The following PPP1R9A variants were observed in gnomAD, a reference collection of about 807,000 sequenced individuals.
PPP1R9A encodes neurabin-1.
Under a neutral mutation model 141.9 loss-of-function variants are expected in PPP1R9A, and 59 were observed. The observed-to-expected ratio is 0.42, with a 90% confidence interval of 0.34 to 0.52. The LOEUF is 0.52. Among genes scored for constraint, PPP1R9A ranks in the 20% least tolerant of loss-of-function variants. The probability of loss-of-function intolerance (pLI) is 0.10; values close to 1 mark genes in which losing one functional copy is unlikely to be tolerated. For missense variants in PPP1R9A, 1,444 were observed against 1,611.9 expected, an observed-to-expected ratio of 0.90 and a Z score of 1.78; for synonymous variants, 500 against 569.7, an observed-to-expected ratio of 0.88 and a Z score of 1.74.
At chr7:95,186,722 G>T (rs1212615131) in intron 5 of PPP1R9A, among the ~76,000 whole-genome samples, 1 of 151,938 alleles carries the variant, frequency 6.6e-6, no homozygotes, top group Non-Finnish European at 1.5e-5. Flanking sequence ...GGTTTTAATT[G>T]TAAAGGGATG....
At chr7:95,281,331 C>T (rs1174162312) in intron 16 of PPP1R9A, among the ~76,000 whole-genome samples, 3 of 152,142 alleles carry the variant, frequency 2.0e-5, no homozygotes, top group South Asian at 4.1e-4. Context: ...GGTGTCTTCT[C>T]GGAAGTGGCC....
At chr7:94,966,949 C>A (rs147303675) in intron 2 of PPP1R9A, among the ~76,000 whole-genome samples, 31 of 152,004 alleles carry the variant, frequency 2.0e-4, no homozygotes, top group Non-Finnish European at 3.8e-4. Context: ...TGGTCCTGGG[C>A]TTTTTTTCGT....
At chr7:95,010,656 G>T (rs1453644505) in intron 2 of PPP1R9A, among the ~76,000 whole-genome samples, 1 of 152,058 alleles carries the variant, frequency 6.6e-6, no homozygotes, top group Admixed American at 6.6e-5. Context: ...AGTCCCTTAT[G>T]TGGTTAGTAG....
At chr7:95,205,848 A>T (rs1790678580) in intron 7 of PPP1R9A, among the ~76,000 whole-genome samples, 1 of 152,162 alleles carries the variant, frequency 6.6e-6, no homozygotes, top group African/African-American at 2.4e-5. Context: ...CTCTTCAATG[A>T]CAGGTTTCAA....
intron 2 of PPP1R9A, among the ~76,000 whole-genome samples, chr7:95,027,347 G>A (rs1438807844): frequency 6.6e-6 from 1 of 152,122 alleles, no homozygotes; most frequent in Non-Finnish European, 1.5e-5. Flanking sequence ...GGAGTTTTCT[G>A]ACCTCTTGCA....
intron 18 of PPP1R9A, among the ~76,000 whole-genome samples, chr7:95,287,623 C>T (rs1805590159): frequency 1.3e-5 from 2 of 152,276 alleles, no homozygotes; most frequent in East Asian, 3.9e-4. Context: ...CTATTGAGCT[C>T]TACCACTTAC....
intron 2 of PPP1R9A, among the ~76,000 whole-genome samples, chr7:95,104,714 G>T (rs1036007959): frequency 2.6e-5 from 4 of 152,118 alleles, no homozygotes; most frequent in Non-Finnish European, 5.9e-5. Context: ...ACCTTAATTT[G>T]GGGGAAGAAA....
At chr7:94,936,568 G>A (rs1265487481) in intron 2 of PPP1R9A, among the ~76,000 whole-genome samples, 1 of 151,900 alleles carries the variant, frequency 6.6e-6, no homozygotes, top group East Asian at 1.9e-4. Flanking sequence ...ACCTTTTAAG[G>A]TACTTTGCCT....
At chr7:95,030,800 G>GTA (rs1404825991) in intron 2 of PPP1R9A, among the ~76,000 whole-genome samples, 1 of 152,174 alleles carries the variant, frequency 6.6e-6, no homozygotes, top group Non-Finnish European at 1.5e-5. Context: ...AAGGCATAAA[G>GTA]TATATTTCAC....
At chr7:95,191,642 T>G (rs1246807260) in intron 5 of PPP1R9A, among the ~76,000 whole-genome samples, 2 of 152,114 alleles carry the variant, frequency 1.3e-5, no homozygotes, top group Non-Finnish European at 2.9e-5. Flanking sequence ...TAAACCTTAA[T>G]TGTAGATTTT....
intron 2 of PPP1R9A, among the ~76,000 whole-genome samples, chr7:95,033,712 T>G (rs892450693): frequency 6.6e-6 from 1 of 152,072 alleles, no homozygotes; most frequent in African/African-American, 2.4e-5. Context: ...AGGATCCAAT[T>G]CCATTTTTTT....
chr7:95,270,064 T>C (rs1801927260), intron 14 of PPP1R9A, among the ~76,000 whole-genome samples: 1 of 152,202 alleles, frequency 6.6e-6, no homozygotes, highest in Non-Finnish European at 1.5e-5. Context: ...TGAAGTCTTA[T>C]GGGAGTACAG....
At chr7:94,995,881 A>G (rs1802104488) in intron 2 of PPP1R9A, among the ~76,000 whole-genome samples, 1 of 152,166 alleles carries the variant, frequency 6.6e-6, no homozygotes, top group African/African-American at 2.4e-5. Context: ...CTTATTGAGT[A>G]CTAGATATTT....
At chr7:95,288,036 C>T (rs1376471224) in intron 18 of PPP1R9A, among the ~76,000 whole-genome samples, 4 of 152,116 alleles carry the variant, frequency 2.6e-5, no homozygotes, top group African/African-American at 4.8e-5. Flanking sequence ...GCCCTACCTT[C>T]CTCACAGTTT....
chr7:94,974,738 A>G (rs1799242856), intron 2 of PPP1R9A, among the ~76,000 whole-genome samples: 2 of 152,214 alleles, frequency 1.3e-5, no homozygotes, highest in Admixed American at 1.3e-4. Context: ...TCTTGACTGG[A>G]TAACAGCATT....
intron 4 of PPP1R9A, among the ~76,000 whole-genome samples, chr7:95,134,082 G>A (rs544477695): frequency 2.0e-5 from 3 of 152,188 alleles, no homozygotes; most frequent in Admixed American, 1.3e-4. Flanking sequence ...GCCCATCAAC[G>A]ATAGACTGGA....
intron 2 of PPP1R9A, among the ~76,000 whole-genome samples, chr7:94,946,641 T>G (rs1473142574): frequency 6.6e-6 from 1 of 152,208 alleles, no homozygotes; most frequent in Non-Finnish European, 1.5e-5. Flanking sequence ...ATTTAGCCTG[T>G]GTATATTGAC....
At chr7:95,095,455 A>T (rs1423598526) in intron 2 of PPP1R9A, among the ~76,000 whole-genome samples, 2 of 152,218 alleles carry the variant, frequency 1.3e-5, no homozygotes, top group Admixed American at 6.5e-5. Context: ...TAATGAGATA[A>T]CACTGTCCTC....
intron 2 of PPP1R9A, among the ~76,000 whole-genome samples, chr7:95,088,834 A>C (rs1816964597): frequency 6.6e-6 from 1 of 152,004 alleles, no homozygotes; most frequent in Admixed American, 6.5e-5. Flanking sequence ...CTTGTCTTTT[A>C]GTCAGTATTT....
Sources: gnomAD v4.1 joint callset for allele counts (sites outside exome capture counted in the v4.1 genomes callset) on GRCh38, gnomAD v4.1.1 for gene constraint, MANE v1.5 for transcripts, NCBI Gene and HGNC (gene_info 2026-07-23, HGNC 2026-07-21) for gene names.